The following MRTFB variants were observed in gnomAD, a reference collection of about 807,000 sequenced individuals.
MRTFB encodes myocardin-related transcription factor B.
MRTFB carries 29 observed loss-of-function variants against 104.2 expected under a neutral mutation model. The ratio of observed to expected loss-of-function variants is 0.28; its 90% CI spans 0.21 to 0.38. The LOEUF (loss-of-function observed/expected upper bound fraction) is 0.38. Ranked by LOEUF, MRTFB falls within the 10% of genes least tolerant of loss-of-function variation. MRTFB has a pLI of 1.00. For synonymous variants in MRTFB, 535 were observed against 519.5 expected (o/e 1.03, Z -0.41); for missense variants, 1,270 against 1,341.6 (o/e 0.95, Z 0.83).
the MRTFB span, among the ~76,000 whole-genome samples, chr16:14,054,658 C>A: frequency 6.6e-6 from 1 of 152,290 alleles, no homozygotes; most frequent in East Asian, 1.9e-4. Context: ...GGTCTATTTT[C>A]TCCCGCTAGC....
chr16:14,176,997 T>C (rs1484361199), intron 3 of MRTFB, among the ~76,000 whole-genome samples: 1 of 152,144 alleles, frequency 6.6e-6, no homozygotes, highest in African/African-American at 2.4e-5. Context: ...AACTAGTTCT[T>C]GAAGATTGTT....
intron 2 of MRTFB, among the ~76,000 whole-genome samples, chr16:14,099,649 G>A (rs1052065163): frequency 2.5e-4 from 38 of 149,528 alleles, no homozygotes; most frequent in African/African-American, 4.7e-4. Flanking sequence ...ATGCCCAGCC[G>A]TATTCTGCAT....
chr16:14,036,043 C>A, the MRTFB span, among the ~76,000 whole-genome samples: 1 of 146,566 alleles, frequency 6.8e-6, no homozygotes, highest in Non-Finnish European at 1.5e-5. Context: ...CAGGTTGCTG[C>A]AAATGCCATT....
At chr16:14,133,766 GT>G (rs992349584) in intron 2 of MRTFB, among the ~76,000 whole-genome samples, 4 of 152,112 alleles carry the variant, frequency 2.6e-5, no homozygotes, top group African/African-American at 9.6e-5. Flanking sequence ...CAAAATTACA[GT>G]TTGTTTTTAA....
At chr16:14,106,367 G>C (rs1303661995) in intron 2 of MRTFB, among the ~76,000 whole-genome samples, 5 of 152,324 alleles carry the variant, frequency 3.3e-5, no homozygotes, top group Admixed American at 1.3e-4. Context: ...GCATAGGTAA[G>C]GGCTGAGAGG....
chr16:14,136,489 T>C (rs776661866), intron 2 of MRTFB, among the ~76,000 whole-genome samples: 1 of 152,070 alleles, frequency 6.6e-6, no homozygotes, highest in Admixed American at 6.6e-5. Context: ...CCCAAACCAA[T>C]TGTAGCAGAA....
intron 5 of MRTFB, 116 bp downstream of exon 5, chr16:14,212,525 G>A (rs2041237689): frequency 1.1e-6 from 1 of 888,242 alleles, no homozygotes; most frequent in East Asian, 2.6e-5. Flanking sequence ...AAAAAATAGT[G>A]TATTTTCAGG....
chr16:14,224,093 G>A (rs1377270279), intron 8 of MRTFB, among the ~76,000 whole-genome samples: 2 of 152,172 alleles, frequency 1.3e-5, no homozygotes, highest in Non-Finnish European at 2.9e-5. Context: ...GCAGGAGAGA[G>A]CGAGCGAGCA....
chr16:14,071,829 C>G (rs1049328017), intron 1 of MRTFB, among the ~76,000 whole-genome samples: 2 of 152,212 alleles, frequency 1.3e-5, no homozygotes, highest in Non-Finnish European at 2.9e-5. Context: ...TCCCACTCCC[C>G]TCAGCCCTTT....
chr16:14,007,589 G>A, the MRTFB span, among the ~76,000 whole-genome samples: 118 of 152,250 alleles, frequency 7.8e-4, no homozygotes, highest in African/African-American at 2.8e-3. Context: ...ATATACCTAC[G>A]AGGGAAGTTG....
At chr16:14,205,975 T>C (rs946238294) in intron 3 of MRTFB, among the ~76,000 whole-genome samples, 3 of 152,218 alleles carry the variant, frequency 2.0e-5, no homozygotes, top group African/African-American at 7.2e-5. Flanking sequence ...TGGTTGCAGC[T>C]ACAGATATGA....
chr16:14,020,083 C>G, the MRTFB span, among the ~76,000 whole-genome samples: 1 of 152,152 alleles, frequency 6.6e-6, no homozygotes. Context: ...TTCACCCTGT[C>G]TATGCAATCC....
Position 14,121,932 on chromosome 16 carries a change from A to G in MRTFB, c.-63-18612A>G, listed in dbSNP as rs1296500369. Among the ~76,000 whole-genome samples the G allele has an allele frequency of 3.9e-5, 6 of 152,196 alleles. No homozygotes were observed. The East Asian group carries it at 9.6e-4, about 24-fold the overall frequency. ...TATTTAAGTAGAACATGTGGTGAGT[A>G]GCTACTGTATGGTACACTCAGAGAT... On this transcript the variant is annotated intron_variant, in intron 2 of 16. Coordinates refer to ENST00000571589, the MANE Select transcript of MRTFB (RefSeq NM_001308142.2).
chr16:14,207,023 C>T (rs901217091), intron 3 of MRTFB, among the ~76,000 whole-genome samples: 3 of 151,978 alleles, frequency 2.0e-5, no homozygotes, highest in Non-Finnish European at 2.9e-5. Flanking sequence ...TTCCTAACGT[C>T]GCTTAAAAAA....
At chr16:14,230,833 C>A (rs1597322442) in intron 8 of MRTFB, among the ~76,000 whole-genome samples, 2 of 151,686 alleles carry the variant, frequency 1.3e-5, no homozygotes, top group East Asian at 3.9e-4. Flanking sequence ...CACATGCACA[C>A]GTATGTTTAT....
chr16:14,118,734 T>TAC (rs201719727), intron 2 of MRTFB, among the ~76,000 whole-genome samples: 3,728 of 151,578 alleles, frequency 0.025, 157 homozygotes, highest in African/African-American at 0.084. Flanking sequence ...CATATATATA[T>TAC]ACACACATAT....
intron 3 of MRTFB, among the ~76,000 whole-genome samples, chr16:14,197,637 CAT>C (rs1229162646): frequency 1.3e-5 from 2 of 152,110 alleles, no homozygotes; most frequent in South Asian, 4.1e-4. Context: ...TTAAGTAAAA[CAT>C]GTTTATTAAA....
rs1009554416 is a variant in MRTFB, at chr16:14,100,783, T to C, written c.-64+21429T>C. On this transcript the variant is annotated intron_variant, in intron 2 of 16. Transcript: ENST00000571589. Reference sequence around the variant, plus strand: ...TGTGGTTATTCAGGTTATTTATTTCTTCTTGAGTGAGTTTAGTAGTATCTT... The same window carrying C: ...TGTGGTTATTCAGGTTATTTATTTCCTCTTGAGTGAGTTTAGTAGTATCTT... Among the ~76,000 whole-genome samples the C allele has an allele frequency of 9.9e-5, 15 of 152,250 alleles. 1 individual carries two copies. Among genetic ancestry groups the C allele is most frequent in the Admixed American group, 9.8e-4 (15 of 15,290 alleles).
In MRTFB at chr16:14,235,398, G is replaced by A. The variant is rs577261113; in HGVS notation, c.831+1115G>A. ...ATACCTCCTCTCCCAACATCCCCAC[G>A]CATGCAACCCCGACGGCACAGAGGG... On this transcript the variant is annotated intron_variant, in intron 9 of 16. Transcript: ENST00000571589. Among the ~76,000 whole-genome samples, 14 of 152,228 alleles carry A rather than the reference G, an allele frequency of 9.2e-5. No homozygotes were observed. In the East Asian group the frequency reaches 2.1e-3, roughly 23 times the overall value.
Sources: gnomAD v4.1 joint callset for allele counts (sites outside exome capture counted in the v4.1 genomes callset) on GRCh38, gnomAD v4.1.1 for gene constraint, MANE v1.5 for transcripts, NCBI Gene and HGNC (gene_info 2026-07-23, HGNC 2026-07-21) for gene names.